Variants in ZNF215 observed in about 807,000 individuals in gnomAD.
ZNF215 encodes the protein BWSCR2-associated zinc finger protein 2.
Under a neutral mutation model 27.2 loss-of-function variants are expected in ZNF215, and 24 were observed. The observed-to-expected ratio is 0.88, with a 90% CI of 0.64 to 1.24. The LOEUF (loss-of-function observed/expected upper bound fraction) is 1.24. ZNF215 is among the 50% of genes most tolerant of loss of function. The pLI is 0.00. For missense variants in ZNF215, 675 were observed against 605.7 expected, an observed-to-expected ratio of 1.11 and a Z score of -1.20; for synonymous variants, 210 against 204.0, an observed-to-expected ratio of 1.03 and a Z score of -0.25.
In ZNF215 at chr11:6,943,159, A is replaced by G. The variant is rs1466998632; in HGVS notation, c.560A>G (p.Asn187Ser). 6.2e-7 allele frequency: 1 copy of G among 1,613,938 alleles called. No individual in the cohort carries two copies. The highest frequency in any genetic ancestry group is 1.7e-5 in the Admixed American group (1 of 59,964). The change falls in exon 5 of 7, where the codon AAC becomes AGC. Residue 187 changes from asparagine to serine, a missense_variant. By Grantham distance (46) the Asn-to-Ser change is conservative. Transcript: ENST00000278319. ...GGGCAACTGGACTCTGCTGTAAAGA[A>G]CCTGTACAGGAATGTGATGCTGGAA... ...EWGQLDSAVKNLYRNVMLENF... is the reference protein window; with the variant it reads ...EWGQLDSAVKSLYRNVMLENF...
At chr11:6,982,430 C>G (rs1445903500) in intron 5 of ZNF215, among the ~76,000 whole-genome samples, 2 of 152,098 alleles carry the variant, frequency 1.3e-5, no homozygotes, top group Non-Finnish European at 2.9e-5. Context: ...ACAGAACTCT[C>G]CACCCCAAAT....
chr11:6,956,016 T>C lies in ZNF215; in HGVS notation c.1039T>C (p.Ser347Pro). 1.2e-6 allele frequency: 2 copies of C among 1,609,410 alleles called. No individual in the cohort carries two copies. The highest frequency in any genetic ancestry group is 1.7e-6 in the Non-Finnish European group (2 of 1,178,744). The change falls in exon 7 of 7, where the codon TCA becomes CCA. Residue 347 changes from serine to proline, a missense_variant. Coordinates refer to ENST00000278319, the MANE Select transcript of ZNF215 (RefSeq NM_013250.4). Reference protein sequence around the residue: ...FKTYFKFNLDSVGKQHSEYEY... With the variant: ...FKTYFKFNLDPVGKQHSEYEY... ...AACTTACTTCAAATTTAATTTAGACTCAGTAGGTAAGCAACATTCAGAATA... is the reference window on the plus strand; with the variant it reads ...AACTTACTTCAAATTTAATTTAGACCCAGTAGGTAAGCAACATTCAGAATA...
chr11:6,969,456 T>G (rs1850680276), intron 5 of ZNF215, among the ~76,000 whole-genome samples: 1 of 152,136 alleles, frequency 6.6e-6, no homozygotes, highest in Non-Finnish European at 1.5e-5. Context: ...AATACTTTTT[T>G]CCAAAAGCAA....
At chr11:6,950,666 T>C in intron 6 of ZNF215, among the ~76,000 whole-genome samples, 1 of 151,416 alleles carries the variant, frequency 6.6e-6, no homozygotes, top group South Asian at 2.1e-4. Flanking sequence ...TATACAATCA[T>C]GTCATCTGCA....
chr11:6,961,926 C>G (rs1850524347), downstream of ZNF215, among the ~76,000 whole-genome samples: 1 of 152,208 alleles, frequency 6.6e-6, no homozygotes, highest in South Asian at 2.1e-4. Flanking sequence ...AAAGGTTATC[C>G]CTGTGCTTTT....
At chr11:6,954,463 C>G (rs904890200) in intron 6 of ZNF215, among the ~76,000 whole-genome samples, 2 of 152,234 alleles carry the variant, frequency 1.3e-5, no homozygotes, top group Non-Finnish European at 2.9e-5. Flanking sequence ...CCCCCAGCCT[C>G]GCTGCCACCT....
At chr11:6,952,147 C>T (rs1850096765) in intron 6 of ZNF215, among the ~76,000 whole-genome samples, 3 of 152,150 alleles carry the variant, frequency 2.0e-5, no homozygotes, top group Admixed American at 2.0e-4. Flanking sequence ...GAGAGCTTTA[C>T]TTCCAAGTAT....
chr11:6,990,278 C>T (rs747919940), downstream of ZNF215, among the ~76,000 whole-genome samples: 33 of 152,262 alleles, frequency 2.2e-4, no homozygotes, highest in Middle Eastern at 3.4e-3. Context: ...ACCTCAGCCC[C>T]ACTCAAGGAT....
downstream of ZNF215, among the ~76,000 whole-genome samples, chr11:6,990,257 A>G (rs982491006): frequency 3.3e-4 from 50 of 152,334 alleles, no homozygotes; most frequent in African/African-American, 1.1e-3. Flanking sequence ...CCAAAATCAT[A>G]CTGCTGCTGT....
chr11:6,981,648 C>T lies in ZNF215; in HGVS notation c.806-2481C>T, dbSNP rs553183528. ...ATTTGTCAACTTTGGCTTTTGTTGC[C>T]ATTGCTTTTGGTGTTTTAGACATGA... is the stretch of plus-strand genomic sequence containing the variant. On this transcript the variant is annotated intron_variant, in intron 5 of 5. Coordinates refer to the ZNF215 transcript ENST00000529903. Among the ~76,000 whole-genome samples the T allele has an allele frequency of 5.9e-3, 894 of 152,090 alleles. 5 individuals carry two copies. Among genetic ancestry groups the T allele is most frequent in the Non-Finnish European group, 0.011 (717 of 67,980 alleles).
At chr11:6,952,019 T>C (rs951223262) in intron 6 of ZNF215, among the ~76,000 whole-genome samples, 2 of 152,208 alleles carry the variant, frequency 1.3e-5, no homozygotes, top group African/African-American at 2.4e-5. Flanking sequence ...AGCAGGTTGT[T>C]TAGTTTCCAT....
chr11:6,939,617 A>T (rs1849566399), intron 3 of ZNF215, among the ~76,000 whole-genome samples: 1 of 152,292 alleles, frequency 6.6e-6, no homozygotes, highest in East Asian at 1.9e-4. Flanking sequence ...GCCAAGATCC[A>T]TTTAGCAAGG....
Position 6,957,996 on chromosome 11 carries a change from C to T in ZNF215, c.*1465C>T. On this transcript the variant is annotated 3_prime_UTR_variant, in exon 7 of 7. Coordinates refer to ENST00000278319, the MANE Select transcript of ZNF215 (RefSeq NM_013250.4). ...TGAAGGTTCATACCTTATTCAAAGGCAGAAAAGGTATACTGGAGTGAACTC... is the reference window on the plus strand; with the variant it reads ...TGAAGGTTCATACCTTATTCAAAGGTAGAAAAGGTATACTGGAGTGAACTC... The T allele has an allele frequency of 4.1e-6, 4 of 985,308 alleles. No homozygotes were observed. The highest frequency in any genetic ancestry group is 4.8e-6 in the Non-Finnish European group (4 of 829,914). The allele number at this position is 985,308 out of a possible 1,614,324, so 61.0% of individuals were successfully genotyped here.
intron 5 of ZNF215, among the ~76,000 whole-genome samples, chr11:6,964,753 C>G (rs1437537714): frequency 6.6e-6 from 1 of 150,544 alleles, no homozygotes; most frequent in Non-Finnish European, 1.5e-5. Context: ...AATTTTTAGA[C>G]TTAGCTTATT....
At position 6,956,774 on chromosome 11, in the gene ZNF215, C is replaced by G; in HGVS notation, c.*243C>G. 7.8e-7 allele frequency: 1 copy of G among 1,275,876 alleles called. No individual in the cohort carries two copies. Among genetic ancestry groups the G allele is most frequent in the South Asian group, 2.3e-5 (1 of 42,818 alleles). The allele number at this position is 1,275,876 out of a possible 1,614,324, so 79.0% of individuals were successfully genotyped here. ...GGAGTTAAACCACAGTATCACCATA[C>G]AAGTATTTGTTTATCATTATTTTGA... is the stretch of plus-strand genomic sequence containing the variant. On this transcript the variant is annotated 3_prime_UTR_variant, in exon 7 of 7. Coordinates refer to ENST00000278319, the MANE Select transcript of ZNF215 (RefSeq NM_013250.4).
chr11:6,950,796 T>C, intron 6 of ZNF215, among the ~76,000 whole-genome samples: 1 of 148,010 alleles, frequency 6.8e-6, no homozygotes, highest in African/African-American at 2.5e-5. Flanking sequence ...AGAGAGGGCA[T>C]CCCTGTCTTG....
downstream of ZNF215, among the ~76,000 whole-genome samples, chr11:6,962,532 G>T (rs576746809): frequency 2.0e-5 from 3 of 152,188 alleles, no homozygotes; most frequent in African/African-American, 7.2e-5. Flanking sequence ...ACTCCTTCTT[G>T]GACTGGTTTC....
intron 5 of ZNF215, among the ~76,000 whole-genome samples, chr11:6,968,021 A>T (rs546661991): frequency 9.5e-4 from 145 of 152,248 alleles, no homozygotes; most frequent in South Asian, 9.1e-3. Context: ...ACTTTTCCCA[A>T]CACCATTTAT....
At position 6,956,586 on chromosome 11, in the gene ZNF215, C is replaced by G. The variant is rs188367119; in HGVS notation, c.*55C>G. 7.4e-6 allele frequency: 11 copies of G among 1,488,294 alleles called. No homozygotes were observed. Among genetic ancestry groups the G allele is most frequent in the Middle Eastern group, 1.8e-4 (1 of 5,512 alleles). The allele number at this position is 1,488,294 out of a possible 1,614,324, so 92.2% of individuals were successfully genotyped here. On this transcript the variant is annotated 3_prime_UTR_variant, in exon 7 of 7. Coordinates refer to ENST00000278319, the MANE Select transcript of ZNF215 (RefSeq NM_013250.4). ...TCAGAATGCAGAACTCATTTAACAT[C>G]ATGAATTTATGCTGGATAAAATCTC...
Sources: allele counts gnomAD v4.1 joint callset (sites outside exome capture counted in the v4.1 genomes callset), GRCh38; gene constraint gnomAD v4.1.1; transcripts MANE v1.5; gene names NCBI Gene and HGNC (gene_info 2026-07-23, HGNC 2026-07-21).